KLC4: variants seen among roughly 807,000 people sequenced by gnomAD.
The protein encoded by KLC4 is kinesin light chain 4, also known as kinesin-like protein 8.
Under a neutral mutation model 77.2 loss-of-function variants are expected in KLC4, and 49 were observed. That is an observed-to-expected ratio of 0.63 (90% CI 0.50 to 0.80). The LOEUF is 0.80. Ranked by LOEUF, KLC4 falls within the 30% of genes least tolerant of loss-of-function variation. The probability of loss-of-function intolerance (pLI) is 0.00; values close to 1 mark genes in which losing one functional copy is unlikely to be tolerated. For synonymous variants in KLC4, 274 were observed against 314.5 expected, an observed-to-expected ratio of 0.87 and a Z score of 1.36; for missense variants, 669 against 793.5, an observed-to-expected ratio of 0.84 and a Z score of 1.89.
At chr6:43,070,933 G>GGGGGC in intron 8 of KLC4, 68 bp downstream of exon 8, 1 of 360,516 alleles carries the variant, frequency 2.8e-6, no homozygotes, top group Non-Finnish European at 5.3e-6. Flanking sequence ...GGGAGGGGGG[G>GGGGGC]CAGGCGGAGA....
At chr6:43,068,426 C>T (rs975648150) in intron 6 of KLC4, among the ~76,000 whole-genome samples, 2 of 151,872 alleles carry the variant, frequency 1.3e-5, no homozygotes, top group African/African-American at 2.4e-5. Context: ...GAGGTGAGAT[C>T]GCGCCTCTAC....
Position 43,061,575 on chromosome 6 carries a change from C to G in KLC4, c.240C>G (p.Leu80=). ...QLRRSMENIE[L]GLSEAQVMLA... ...GCCGTTCTATGGAAAACATTGAGCTCGGGCTGAGTGAGGCCCAGGTGAGAG... is the reference window on the plus strand; with the variant it reads ...GCCGTTCTATGGAAAACATTGAGCTGGGGCTGAGTGAGGCCCAGGTGAGAG... The change falls in exon 2 of 16, where the codon CTC becomes CTG. Residue 80 remains leucine, a synonymous_variant. Coordinates refer to ENST00000347162, the MANE Select transcript of KLC4 (RefSeq NM_201521.3). 3.1e-6 allele frequency: 5 copies of G among 1,611,146 alleles called. No homozygotes were observed. The highest frequency in any genetic ancestry group is 4.2e-6 in the Non-Finnish European group (5 of 1,177,868).
At chr6:43,069,542 G>A (rs1312143566) in intron 6 of KLC4, among the ~76,000 whole-genome samples, 1 of 152,002 alleles carries the variant, frequency 6.6e-6, no homozygotes, top group Non-Finnish European at 1.5e-5. Context: ...ACCACACCCA[G>A]CTGAAAAGTT....
chr6:43,068,147 T>C (rs939878180), intron 6 of KLC4, among the ~76,000 whole-genome samples: 1 of 114,146 alleles, frequency 8.8e-6, no homozygotes, highest in Non-Finnish European at 1.9e-5. Flanking sequence ...AAAGAAAATA[T>C]AGGTGGACAC....
rs149718842 is a variant in KLC4, at chr6:43,061,414, C to A, written c.79C>A (p.Arg27=). Reference sequence around the variant, plus strand: ...CCAAGAGGAGATCCTGGGGAGCACACGGCTGGTCAGCCAAGGGCTAGAGGC... The same window carrying A: ...CCAAGAGGAGATCCTGGGGAGCACAAGGCTGGTCAGCCAAGGGCTAGAGGC... ...LSQEEILGST[R]LVSQGLEALR... is the part of the protein sequence containing the mutation. Residue 27 remains arginine (R), a synonymous_variant, in exon 2 of 16, where the codon CGG becomes AGG. Coordinates refer to ENST00000347162, the MANE Select transcript of KLC4 (RefSeq NM_201521.3). The A allele has an allele frequency of 1.2e-6, 2 of 1,614,122 alleles. No individual in the cohort carries two copies. The highest frequency in any genetic ancestry group is 8.5e-7 in the Non-Finnish European group (1 of 1,180,048).
intron 6 of KLC4, among the ~76,000 whole-genome samples, chr6:43,068,346 CTTGTAA>C (rs1765559855): frequency 6.6e-6 from 1 of 150,534 alleles, no homozygotes. Flanking sequence ...GTGGGGGGCA[CTTGTAA>C]TCCCAGCTAC....
At chr6:43,072,293 G>C (rs1401776405) in intron 12 of KLC4, 38 bp downstream of exon 12, 1 of 1,495,912 alleles carries the variant, frequency 6.7e-7, no homozygotes, top group South Asian at 1.1e-5. Flanking sequence ...CTAGAGGGAA[G>C]GGCCCTGGGG....
At chr6:43,059,737 T>G in intron 1 of KLC4, 52 bp downstream of exon 1, 1 of 1,238,028 alleles carries the variant, frequency 8.1e-7, no homozygotes, top group East Asian at 3.8e-5. Flanking sequence ...CTGCCATCTC[T>G]TATTCTCGCA....
At chr6:43,069,169 A>C (rs1765603019) in intron 6 of KLC4, among the ~76,000 whole-genome samples, 2 of 152,200 alleles carry the variant, frequency 1.3e-5, no homozygotes, top group Admixed American at 1.3e-4. Context: ...CCTTAAGTAG[A>C]GATATCACGC....
At chr6:43,063,916 A>T (rs1765292775) in intron 3 of KLC4, among the ~76,000 whole-genome samples, 1 of 152,106 alleles carries the variant, frequency 6.6e-6, no homozygotes, top group African/African-American at 2.4e-5. Flanking sequence ...AGCTCACTGC[A>T]GCCTCCGCCT....
chr6:43,070,332 G>A (rs1765653795), intron 6 of KLC4, 22 bp from the exon 7 acceptor site: 2 of 1,576,048 alleles, frequency 1.3e-6, no homozygotes, highest in South Asian at 1.1e-5. Flanking sequence ...AATGTCTGAT[G>A]GGGACAGGCC....
rs563848878 is a variant in KLC4, at chr6:43,070,862, C to G, written c.1152C>G (p.Asn384Lys). The change falls in exon 8 of 16, where the codon AAC (asparagine) becomes AAG (lysine). Residue 384 changes from asparagine (N) to lysine (K), a missense_variant. By Grantham distance (94) the Asn-to-Lys change is moderately conservative. Transcript: ENST00000347162. ...DNPNVARTKN[N>K]LASCYLKQGK... is the part of the protein sequence containing the mutation. The stretch of plus-strand genomic sequence containing the variant: ...CTAATGTAGCCCGGACCAAGAACAA[C>G]CTGGTATGGGAGGAGGGACAAAGTA... 2 of 1,591,594 alleles carry G rather than the reference C, an allele frequency of 1.3e-6. No individual in the cohort carries two copies. Among genetic ancestry groups the G allele is most frequent in the South Asian group, 1.1e-5 (1 of 90,204 alleles).
intron 4 of KLC4, among the ~76,000 whole-genome samples, chr6:43,066,016 C>G (rs1048475918): frequency 2.0e-5 from 3 of 152,196 alleles, no homozygotes; most frequent in Admixed American, 6.5e-5. Flanking sequence ...CATGAGCCCC[C>G]CAAGGGAAAG....
At position 43,072,241 on chromosome 6, in the gene KLC4, C is replaced by CGGT; in HGVS notation, c.1475_1477dup (p.Arg492_Ser493insTrp). 6.2e-7 allele frequency: 1 copy of CGGT among 1,613,532 alleles called. No homozygotes were observed. Among genetic ancestry groups the CGGT allele is most frequent in the Non-Finnish European group, 8.5e-7 (1 of 1,179,572 alleles). ...TGAGACCCTGGAGGAATGTGCCCTG[C>CGGT]GGTCCCGGAGACAGGTCAGAAGCCC... On this transcript the variant is annotated inframe_insertion, in exon 12 of 16. Transcript: ENST00000347162.
Position 43,072,839 on chromosome 6 carries a change from A to T in KLC4, c.1504A>T (p.Ser502Cys). The stretch of plus-strand genomic sequence containing the variant: ...TTCCTTCCAGGGCACTGACCCTATC[A>T]GCCAGACGAAGGTGGCAGAGCTGCT... ...RSRRQGTDPI[S>C]QTKVAELLGE... is the part of the protein sequence containing the mutation. The change falls in exon 13 of 16, where the codon AGC (serine) becomes TGC (cysteine). Residue 502 changes from serine (S) to cysteine (C), a missense_variant. Ser to Cys is a moderately radical substitution (Grantham distance 112). Coordinates refer to ENST00000347162, the MANE Select transcript of KLC4 (RefSeq NM_201521.3). The T allele has an allele frequency of 6.2e-7, 1 of 1,613,978 alleles. No homozygotes were observed.
At chr6:43,070,279 G>T in intron 6 of KLC4, 75 bp from the exon 7 acceptor site, 3 of 959,848 alleles carry the variant, frequency 3.1e-6, no homozygotes, top group Middle Eastern at 2.3e-4. Context: ...GGCCCTGCTG[G>T]GAGGTGGGGA....
Position 43,074,755 on chromosome 6 carries a change from C to T in KLC4, c.*83C>T, listed in dbSNP as rs908452773. The T allele has an allele frequency of 6.0e-6, 7 of 1,170,516 alleles. No homozygotes were observed. The highest frequency in any genetic ancestry group is 4.5e-5 in the African/African-American group (3 of 66,544). 72.5% of individuals were successfully genotyped at this position (1,170,516 alleles called of 1,614,324 possible). A position where few individuals can be genotyped will look rare whatever the true frequency, so the allele number is the denominator to read the frequency against. On this transcript the variant is annotated 3_prime_UTR_variant, in exon 16 of 16. Coordinates refer to ENST00000347162, the MANE Select transcript of KLC4 (RefSeq NM_201521.3). ...TTCCCCATTGCTCCTGGCTCTTCCCCACCCCTAGGTGGGACAGTGAAGGGG... is the reference window on the plus strand; with the variant it reads ...TTCCCCATTGCTCCTGGCTCTTCCCTACCCCTAGGTGGGACAGTGAAGGGG...
chr6:43,070,423 CTG>C lies in KLC4; in HGVS notation c.952_953del (p.Cys318ProfsTer36). On this transcript the variant is annotated frameshift_variant, in exon 7 of 16. Coordinates refer to ENST00000347162, the MANE Select transcript of KLC4 (RefSeq NM_201521.3). LOFTEE classifies it high-confidence loss of function. Reference sequence around the variant, plus strand: ...GGGCAAGTACAAGGAGGCAGAGCCTCTGTGCCAGCGGGCACTGGAGATTCGAG... The same window carrying C: ...GGGCAAGTACAAGGAGGCAGAGCCTCTGCCAGCGGGCACTGGAGATTCGAG... The part of the protein sequence containing the change: ...KRGKYKEAEP[L>X]CQRALEIREK... 6.2e-7 allele frequency: 1 copy of C among 1,614,162 alleles called. No homozygotes were observed. Among genetic ancestry groups the C allele is most frequent in the South Asian group, 1.1e-5 (1 of 91,084 alleles).
At chr6:43,066,671 G>T in intron 5 of KLC4, 146 bp downstream of exon 5, 1 of 699,602 alleles carries the variant, frequency 1.4e-6, no homozygotes, top group Non-Finnish European at 2.4e-6. Context: ...TTCTTTATGT[G>T]CCAGAACTCT....
Sources: gnomAD v4.1 joint callset for allele counts (sites outside exome capture counted in the v4.1 genomes callset) on GRCh38, gnomAD v4.1.1 for gene constraint, MANE v1.5 for transcripts, NCBI Gene and HGNC (gene_info 2026-07-23, HGNC 2026-07-21) for gene names.